The following RELN variants were observed in gnomAD, a reference collection of about 807,000 sequenced individuals.
RELN encodes reelin.
RELN carries 108 observed loss-of-function variants against 427.6 expected under a neutral mutation model. The observed-to-expected ratio is 0.25, with a 90% CI of 0.22 to 0.30. RELN has a LOEUF of 0.30. RELN is among the 10% of genes least tolerant of loss of function. The probability of loss-of-function intolerance (pLI) is 1.00; values close to 1 mark genes in which losing one functional copy is unlikely to be tolerated. For synonymous variants in RELN, 1,524 were observed against 1,513.4 expected (o/e 1.01, Z -0.16); for missense variants, 3,715 against 4,302.8 (o/e 0.86, Z 3.82).
chr7:103,794,076 A>AGTAATATTTTTTAATTTTGTAG (rs1584497459), intron 3 of RELN, among the ~76,000 whole-genome samples: 2 of 152,292 alleles, frequency 1.3e-5, no homozygotes, highest in East Asian at 3.9e-4. Context: ...CATAAACAGA[A>AGTAATATTTTTTAATTTTGTAG]GTAATATTTT....
chr7:103,871,953 A>G (rs9791440), intron 2 of RELN, among the ~76,000 whole-genome samples: 1 of 151,094 alleles, frequency 6.6e-6, no homozygotes, highest in African/African-American at 2.4e-5. Context: ...TAAACCAATG[A>G]GATATAATGC....
chr7:103,663,247 T>C (rs1013178615), intron 11 of RELN, among the ~76,000 whole-genome samples: 2 of 152,180 alleles, frequency 1.3e-5, no homozygotes, highest in Non-Finnish European at 2.9e-5. Context: ...TTTACATGCC[T>C]TTCTTTATTC....
rs117028697 is a variant in RELN, at chr7:103,560,445, A to C, written c.5529+1087T>G. ...GATGGCTAAAGGGAAAATATAAAAC[A>C]TTATGCATCTTTCTTGTTTAGAGGA... On this transcript the variant is annotated intron_variant, in intron 36 of 64. Coordinates refer to ENST00000428762, the MANE Select transcript of RELN (RefSeq NM_005045.4). Among the ~76,000 whole-genome samples the C allele has an allele frequency of 5.2e-3, 787 of 152,292 alleles. 6 individuals carry two copies. Among genetic ancestry groups the C allele is most frequent in the South Asian group, 6.8e-3 (33 of 4,830 alleles).
At position 103,498,103 on chromosome 7, in the gene RELN, T is replaced by C. The variant is rs764495275; in HGVS notation, c.8817A>G (p.Thr2939=). ...FGGSTVRQAV[T]QDLDLRGAKF... is the part of the protein sequence containing the mutation. ...TTGCACCTCGAAGATCCAAATCTTG[T>C]GTAACCGCTTGTCTCACAGTGGATC... The change falls in exon 54 of 65, where the codon ACA becomes ACG. Residue 2939 remains threonine, a synonymous_variant. Transcript: ENST00000428762. 7 of 1,614,100 alleles carry C rather than the reference T, an allele frequency of 4.3e-6. No individual in the cohort carries two copies. The highest frequency in any genetic ancestry group is 1.7e-5 in the Admixed American group (1 of 60,002).
At chr7:103,512,569 T>A (rs925100374) in intron 50 of RELN, among the ~76,000 whole-genome samples, 1 of 152,226 alleles carries the variant, frequency 6.6e-6, no homozygotes, top group Non-Finnish European at 1.5e-5. Flanking sequence ...AGTAAGACTA[T>A]GAATTGATTA....
chr7:103,892,976 G>T (rs1362770580), intron 2 of RELN, among the ~76,000 whole-genome samples: 1 of 152,184 alleles, frequency 6.6e-6, no homozygotes, highest in Non-Finnish European at 1.5e-5. Flanking sequence ...AGAGAAGAGA[G>T]GGGGACTGAC....
At chr7:103,960,543 A>G (rs1366934688) in intron 1 of RELN, among the ~76,000 whole-genome samples, 1 of 152,174 alleles carries the variant, frequency 6.6e-6, no homozygotes, top group African/African-American at 2.4e-5. Flanking sequence ...CTTGGTTATA[A>G]CAGAAGAACA....
intron 22 of RELN, among the ~76,000 whole-genome samples, chr7:103,608,745 C>T (rs901801588): frequency 6.6e-6 from 1 of 152,056 alleles, no homozygotes. Context: ...TCTGACTATA[C>T]TAAAAATTCC....
At chr7:103,808,514 A>C (rs1459951395) in intron 3 of RELN, among the ~76,000 whole-genome samples, 1 of 152,148 alleles carries the variant, frequency 6.6e-6, no homozygotes, top group Non-Finnish European at 1.5e-5. Context: ...TTTTAGGAAA[A>C]TCTGTATTAT....
chr7:103,578,531 C>T (rs1325353632), intron 28 of RELN, among the ~76,000 whole-genome samples: 2 of 152,066 alleles, frequency 1.3e-5, no homozygotes, highest in African/African-American at 2.4e-5. Context: ...TTTCACTGGC[C>T]ATGACCTCAG....
At chr7:103,610,928 T>C in intron 21 of RELN, 121 bp from the exon 22 acceptor site, 1 of 708,236 alleles carries the variant, frequency 1.4e-6, no homozygotes. Context: ...TCTTAACTAT[T>C]TGTGATATGG....
At chr7:103,753,812 T>A (rs777378828) in intron 4 of RELN, among the ~76,000 whole-genome samples, 1 of 152,250 alleles carries the variant, frequency 6.6e-6, no homozygotes, top group African/African-American at 2.4e-5. Flanking sequence ...AATGTCTTGA[T>A]GTTAATTATT....
chr7:103,749,700 A>G (rs1181223733), intron 5 of RELN, among the ~76,000 whole-genome samples, 196 bp from the exon 6 acceptor site: 2 of 152,190 alleles, frequency 1.3e-5, no homozygotes, highest in Non-Finnish European at 2.9e-5. Context: ...TTAAACACCT[A>G]GAAGTTGGGA....
intron 11 of RELN, among the ~76,000 whole-genome samples, chr7:103,677,452 TAAA>T (rs1213821493): frequency 4.0e-5 from 5 of 124,884 alleles, no homozygotes; most frequent in African/African-American, 9.3e-5. Flanking sequence ...ATAATAATAA[TAAA>T]AAGAACAACA....
chr7:103,691,328 C>G (rs3753113), intron 10 of RELN, among the ~76,000 whole-genome samples: 30,350 of 151,708 alleles, frequency 0.2, 3,915 homozygotes, highest in African/African-American at 0.36. Flanking sequence ...TTTAGATAGT[C>G]CCCCCCGCCA....
rs753092211 is a variant in RELN at position 103,566,411 on chromosome 7, C to A, written c.4749G>T (p.Gly1583=). The A allele has an allele frequency of 4.3e-6, 7 of 1,613,686 alleles. No homozygotes were observed. Among genetic ancestry groups the A allele is most frequent in the Non-Finnish European group, 5.9e-6 (7 of 1,179,624 alleles). Residue 1583 remains glycine, a splice_region_variant and synonymous_variant, in exon 33 of 65, where the codon GGG becomes GGT. Coordinates refer to ENST00000428762, the MANE Select transcript of RELN (RefSeq NM_005045.4). ...CCAAAGCCCACTGGGCTGAATGCTT[C>A]CCTGCAATCAGATGAATAAAGGTGG... ...TAFRWWQPQH[G]KHSAQWALDD...
At chr7:103,593,604 C>A in intron 27 of RELN, 78 bp downstream of exon 27, 1 of 1,264,288 alleles carries the variant, frequency 7.9e-7, no homozygotes, top group Non-Finnish European at 1.2e-6. Context: ...AATTTGTGTT[C>A]TTTGTGAGTT....
At chr7:103,645,007 G>T (rs1258787606) in intron 16 of RELN, among the ~76,000 whole-genome samples, 1 of 151,616 alleles carries the variant, frequency 6.6e-6, no homozygotes, top group Non-Finnish European at 1.5e-5. Flanking sequence ...TATTAACCAG[G>T]AATTTTGTAT....
chr7:103,552,472 G>A (rs1584288499), intron 40 of RELN, among the ~76,000 whole-genome samples: 1 of 149,176 alleles, frequency 6.7e-6, no homozygotes, highest in African/African-American at 2.5e-5. Flanking sequence ...ATAAACTTTC[G>A]AATATAGGCA....
Sources: allele counts gnomAD v4.1 joint callset (sites outside exome capture counted in the v4.1 genomes callset), GRCh38; gene constraint gnomAD v4.1.1; transcripts MANE v1.5; gene names NCBI Gene and HGNC (gene_info 2026-07-23, HGNC 2026-07-21).